PP2D1: variants seen among roughly 807,000 people sequenced by gnomAD.
PP2D1 encodes protein phosphatase 2C-like domain-containing protein 1.
In PP2D1, 25 loss-of-function variants were observed where a neutral mutation model predicts 30.2. The ratio of observed to expected loss-of-function variants is 0.83; its 90% CI spans 0.60 to 1.16. The LOEUF is 1.16. Among genes scored for constraint, PP2D1 ranks in the 50% most tolerant of loss-of-function variants. PP2D1 has a pLI of 0.00. For missense variants in PP2D1, 760 were observed against 742.4 expected, an observed-to-expected ratio of 1.02 and a Z score of -0.28; for synonymous variants, 260 against 258.9, an observed-to-expected ratio of 1.00 and a Z score of -0.04.
chr3:19,984,335 A>G (rs1168382055), downstream of PP2D1: 4 of 401,846 alleles, frequency 1.0e-5, no homozygotes, highest in East Asian at 3.3e-4. Context: ...TAATAAATTA[A>G]CCACAAGAAA....
chr3:20,010,247 C>T (rs560983743), intron 1 of PP2D1, among the ~76,000 whole-genome samples: 6 of 152,112 alleles, frequency 3.9e-5, no homozygotes, highest in Non-Finnish European at 1.5e-5. Context: ...AGGTGCCTGC[C>T]ACCATGCTTA....
rs1697026885 is a variant in PP2D1, at chr3:19,985,955, A to C, written c.1318T>G (p.Ser440Ala). 1 of 1,536,186 alleles carries C rather than the reference A, an allele frequency of 6.5e-7. No individual in the cohort carries two copies. Among genetic ancestry groups the C allele is most frequent in the African/African-American group, 1.4e-5 (1 of 73,056 alleles). The change falls in exon 3 of 3, where the codon TCT (serine) becomes GCT (alanine). Residue 440 changes from serine (S) to alanine (A), a missense_variant. Physicochemically the swap from Ser to Ala is moderately conservative, Grantham distance 99 (BLOSUM62 1). Transcript: ENST00000389050. ...TGACATAGGTCATCTATAGGGACAG[A>C]AATAGTTTGAGGTGCTGGGATAATG... The part of the protein sequence containing the change: ...KSIIPAPQTI[S>A]VPIDDLCQFL...
At chr3:20,007,409 A>G (rs1697332835) in intron 1 of PP2D1, among the ~76,000 whole-genome samples, 1 of 151,258 alleles carries the variant, frequency 6.6e-6, no homozygotes, top group Admixed American at 6.6e-5. Context: ...TAGACTTAGG[A>G]TTTTTTTTTC....
chr3:20,007,134 A>G (rs1697328761), intron 1 of PP2D1, among the ~76,000 whole-genome samples: 1 of 152,030 alleles, frequency 6.6e-6, no homozygotes, highest in African/African-American at 2.4e-5. Context: ...TGCCTCCCAA[A>G]GTCCTAGGAT....
chr3:19,995,163 C>T lies in PP2D1; in HGVS notation c.1090+5867G>A, dbSNP rs142406757. On this transcript the variant is annotated intron_variant, in intron 2 of 2. Coordinates refer to ENST00000389050, the MANE Select transcript of PP2D1 (RefSeq NM_001252657.2). ...CAAAACAAAGCTGAAAACCATATAT[C>T]CAAAAACACAAATTTACTCCTAACA... is the stretch of plus-strand genomic sequence containing the variant. Among the ~76,000 whole-genome samples, 299 of 152,210 alleles carry T rather than the reference C, an allele frequency of 2.0e-3. 2 individuals are homozygous for T. The highest frequency in any genetic ancestry group is 3.1e-3 in the Non-Finnish European group (209 of 68,002).
At chr3:19,984,013 A>G (rs1011490152), downstream of PP2D1, 4 of 538,692 alleles carry the variant, frequency 7.4e-6, no homozygotes, top group African/African-American at 3.9e-5. Context: ...CCCTCTCACT[A>G]ATGTTTCAAC....
In PP2D1 at chr3:20,000,136, A is replaced by T. The variant is rs1024907205; in HGVS notation, c.1090+894T>A. 1.3e-5 allele frequency among the ~76,000 whole-genome samples: 2 copies of T among 152,184 alleles called. 1 individual carries two copies. Among genetic ancestry groups the T allele is most frequent in the South Asian group, 4.1e-4 (2 of 4,826 alleles). On this transcript the variant is annotated intron_variant, in intron 2 of 2. Coordinates refer to ENST00000389050, the MANE Select transcript of PP2D1 (RefSeq NM_001252657.2). ...AACAATCCCCTTAAGAGGTAACATGATATGGTAGGACTGATTTCCAACTCC... is the reference window on the plus strand; with the variant it reads ...AACAATCCCCTTAAGAGGTAACATGTTATGGTAGGACTGATTTCCAACTCC...
intron 2 of PP2D1, among the ~76,000 whole-genome samples, chr3:19,993,888 A>G (rs1697146736): frequency 1.3e-5 from 2 of 151,638 alleles, no homozygotes; most frequent in Non-Finnish European, 2.9e-5. Context: ...ACAGGTGCCC[A>G]CCCCCGGCTA....
At chr3:19,990,282 C>T (rs1697099998) in intron 2 of PP2D1, among the ~76,000 whole-genome samples, 1 of 152,106 alleles carries the variant, frequency 6.6e-6, no homozygotes, top group Non-Finnish European at 1.5e-5. Context: ...AGAGCTGGGA[C>T]TAAAGGCATG....
downstream of PP2D1, chr3:19,983,937 AG>A: frequency 1.4e-6 from 1 of 713,214 alleles, no homozygotes; most frequent in Non-Finnish European, 2.4e-6. Context: ...CTTATGATAG[AG>A]TCAAGTTTCT....
intron 2 of PP2D1, among the ~76,000 whole-genome samples, chr3:19,993,844 A>G (rs904605458): frequency 6.6e-6 from 1 of 151,964 alleles, no homozygotes; most frequent in African/African-American, 2.4e-5. Context: ...GGTTCAAGCA[A>G]TTCTCTGCCT....
chr3:19,987,499 C>G (rs1399621287), intron 2 of PP2D1, among the ~76,000 whole-genome samples: 3 of 151,978 alleles, frequency 2.0e-5, no homozygotes. Context: ...AATAGGAAGC[C>G]AAATTTACAT....
intron 2 of PP2D1, 186 bp downstream of exon 2, chr3:20,000,844 A>G (rs1046296068): frequency 1.3e-5 from 5 of 390,082 alleles, no homozygotes; most frequent in African/African-American, 1.0e-4. Flanking sequence ...AATAATTACA[A>G]TTATTTTTGT....
chr3:19,982,078 C>T (rs1696939594), downstream of PP2D1, among the ~76,000 whole-genome samples: 2 of 150,710 alleles, frequency 1.3e-5, no homozygotes, highest in Non-Finnish European at 3.0e-5. Context: ...CCTATCTCTA[C>T]CAAAAAAAAA....
rs906741766 is a variant in PP2D1, at chr3:19,985,870, G to A, written c.1403C>T (p.Ala468Val). ...CATGTGAAATGTTGTCATTGCCAGGGCAGTAACTTCCTCTTTATCCAAAAC... is the reference window on the plus strand; with the variant it reads ...CATGTGAAATGTTGTCATTGCCAGGACAGTAACTTCCTCTTTATCCAAAAC... The part of the protein sequence containing the change: ...WEVLDKEEVT[A>V]LAMTTFHMYK... Residue 468 changes from alanine to valine, a missense_variant, in exon 3 of 3, where the codon GCC becomes GTC. This residue lies in a region of PP2D1 where 369 missense variants were observed against 316.2 expected (regional missense o/e 1.17). Coordinates refer to ENST00000389050, the MANE Select transcript of PP2D1 (RefSeq NM_001252657.2). 1.0e-5 allele frequency: 16 copies of A among 1,536,258 alleles called. No homozygotes were observed. The highest frequency in any genetic ancestry group is 3.6e-5 in the South Asian group (3 of 84,060).
At chr3:19,982,871 A>C (rs1246387292), downstream of PP2D1, among the ~76,000 whole-genome samples, 1 of 152,174 alleles carries the variant, frequency 6.6e-6, no homozygotes, top group Non-Finnish European at 1.5e-5. Context: ...GGTGATAATT[A>C]GTTGCACAGT....
chr3:19,990,346 A>G (rs775044313), intron 2 of PP2D1, among the ~76,000 whole-genome samples: 1 of 152,038 alleles, frequency 6.6e-6, no homozygotes, highest in East Asian at 1.9e-4. Flanking sequence ...GGCTTTCGCT[A>G]TGTTGCCCGG....
chr3:19,980,445 AT>A (rs11441052), downstream of PP2D1, among the ~76,000 whole-genome samples: 2 of 148,188 alleles, frequency 1.3e-5, no homozygotes, highest in East Asian at 3.9e-4. Context: ...AGGTTAGTAA[AT>A]TTTTTTTTCT....
chr3:19,987,349 G>C (rs145509486), intron 2 of PP2D1, among the ~76,000 whole-genome samples: 1 of 151,900 alleles, frequency 6.6e-6, no homozygotes, highest in East Asian at 1.9e-4. Flanking sequence ...ATATAATTAC[G>C]TATTTTTTAA....
Sources: gnomAD v4.1 joint callset for allele counts (sites outside exome capture counted in the v4.1 genomes callset) on GRCh38, gnomAD v4.1.1 for gene constraint, gnomAD v4.1.1 regional missense constraint, MANE v1.5 for transcripts, NCBI Gene and HGNC (gene_info 2026-07-23, HGNC 2026-07-21) for gene names.